The following SPATA33 variants were observed in gnomAD, a reference collection of about 807,000 sequenced individuals.
SPATA33 encodes the protein spermatogenesis associated 33, also known as spermatogenesis-associated protein 33.
SPATA33 carries 10 observed loss-of-function variants against 8.9 expected under a neutral mutation model. The observed-to-expected ratio is 1.12, with a 90% confidence interval of 0.69 to 1.90. SPATA33 has a LOEUF of 1.90. Ranked by LOEUF, SPATA33 falls within the 40% of genes most tolerant of loss-of-function variation. The pLI, the probability that SPATA33 is intolerant of heterozygous loss-of-function variation, is 0.00. For synonymous variants in SPATA33, 96 were observed against 72.8 expected, an observed-to-expected ratio of 1.32 and a Z score of -1.63; for missense variants, 241 against 178.3, an observed-to-expected ratio of 1.35 and a Z score of -2.00.
chr16:89,667,440 C>T (rs1023098611), intron 2 of SPATA33, among the ~76,000 whole-genome samples: 8 of 152,166 alleles, frequency 5.3e-5, no homozygotes, highest in African/African-American at 1.9e-4. Context: ...TCTAGTATAA[C>T]TATTCTTATT....
intron 2 of SPATA33, among the ~76,000 whole-genome samples, chr16:89,666,266 C>T (rs1243548866): frequency 6.6e-6 from 1 of 152,098 alleles, no homozygotes; most frequent in Non-Finnish European, 1.5e-5. Context: ...GTCCGAGGAT[C>T]ACTTGGGCCT....
At chr16:89,663,279 G>C (rs369296478) in intron 2 of SPATA33, among the ~76,000 whole-genome samples, 1 of 146,264 alleles carries the variant, frequency 6.8e-6, no homozygotes, top group African/African-American at 2.5e-5. Flanking sequence ...CAAATGGCAC[G>C]ATCTTGGCTC....
chr16:89,663,422 A>G (rs559087902), intron 2 of SPATA33, among the ~76,000 whole-genome samples: 1 of 152,042 alleles, frequency 6.6e-6, no homozygotes, highest in South Asian at 2.1e-4. Context: ...CATGTTGGTC[A>G]GGCTGGTCTC....
At chr16:89,664,213 A>G (rs1417698172) in intron 2 of SPATA33, among the ~76,000 whole-genome samples, 2 of 152,244 alleles carry the variant, frequency 1.3e-5, no homozygotes, top group African/African-American at 4.8e-5. Flanking sequence ...CAATTGTAGA[A>G]CAAATGATAA....
rs546828075 is a variant in SPATA33, at chr16:89,670,076, C to T, written c.*579C>T. 5.9e-4 allele frequency: 92 copies of T among 154,686 alleles called. No individual in the cohort carries two copies. The highest frequency in any genetic ancestry group is 2.2e-3 in the African/African-American group (89 of 39,946). The allele number at this position is 154,686 out of a possible 1,614,324, so 9.6% of individuals were successfully genotyped here. On this transcript the variant is annotated 3_prime_UTR_variant, in exon 3 of 3. Transcript: ENST00000579310. ...CCCCACCCTGTGAGAAGCCGTGGCCCCCTTCTCCAGTGCTTTCGGGGAGGG... is the reference window on the plus strand; with the variant it reads ...CCCCACCCTGTGAGAAGCCGTGGCCTCCTTCTCCAGTGCTTTCGGGGAGGG...
chr16:89,669,206 T>A, intron 2 of SPATA33, 80 bp from the exon 3 acceptor site: 2 of 1,337,068 alleles, frequency 1.5e-6, no homozygotes, highest in Non-Finnish European at 2.1e-6. Flanking sequence ...TCCTTTACTC[T>A]GACCAATGGC....
chr16:89,660,787 G>A (rs913979257), intron 2 of SPATA33: 43 of 1,029,118 alleles, frequency 4.2e-5, no homozygotes, highest in African/African-American at 8.3e-5. Context: ...AATGGTTTTC[G>A]ACCTGAATCT....
At chr16:89,664,533 C>T (rs1251082558) in intron 2 of SPATA33, among the ~76,000 whole-genome samples, 1 of 152,044 alleles carries the variant, frequency 6.6e-6, no homozygotes, top group East Asian at 1.9e-4. Context: ...TCAGGGAAGC[C>T]AGACAGTAAA....
In SPATA33 at chr16:89,669,356, G is replaced by A. The variant is rs1315881032; in HGVS notation, c.282G>A (p.Ala94=). ...VVVPQIIITR[A]SNETLVSCSS... is the part of the protein sequence containing the mutation. ...TTCCACAGATCATCATCACGCGAGC[G>A]TCGAATGAGACGCTAGTCAGTTGCA... Residue 94 remains alanine, a synonymous_variant, in exon 3 of 3, where the codon GCG becomes GCA. Transcript: ENST00000579310. The A allele has an allele frequency of 4.3e-6, 7 of 1,614,072 alleles. No individual in the cohort carries two copies. The highest frequency in any genetic ancestry group is 5.9e-6 in the Non-Finnish European group (7 of 1,180,040).
chr16:89,657,825 G>A (rs1033547620), upstream of SPATA33: 34 of 1,511,898 alleles, frequency 2.2e-5, no homozygotes, highest in African/African-American at 4.1e-4. Flanking sequence ...CCGCTGGCGC[G>A]AGGACCTTTT....
chr16:89,669,166 C>G (rs2060064676), intron 2 of SPATA33, 120 bp from the exon 3 acceptor site: 1 of 886,056 alleles, frequency 1.1e-6, no homozygotes, highest in South Asian at 1.5e-5. Flanking sequence ...TTGGACTCAC[C>G]CATTTTTTCT....
At chr16:89,663,600 G>T (rs2059990065) in intron 2 of SPATA33, among the ~76,000 whole-genome samples, 2 of 152,122 alleles carry the variant, frequency 1.3e-5, no homozygotes, top group African/African-American at 4.8e-5. Context: ...AGGGAGGACA[G>T]ATTGTTGATT....
intron 2 of SPATA33, chr16:89,661,179 G>C: frequency 1.0e-6 from 1 of 985,444 alleles, no homozygotes; most frequent in South Asian, 4.7e-5. Context: ...TTGGCCATAA[G>C]TTAATCACTG....
At chr16:89,658,694 C>T in intron 2 of SPATA33, 2 of 491,328 alleles carry the variant, frequency 4.1e-6, no homozygotes, top group East Asian at 3.6e-5. Context: ...GTGTGTCTCA[C>T]CTGAGGTTCT....
At chr16:89,660,283 G>T in intron 2 of SPATA33, 3 of 393,510 alleles carry the variant, frequency 7.6e-6, no homozygotes, top group Non-Finnish European at 1.3e-5. Context: ...GGAAGGCTTC[G>T]CCTGCCCAGC....
At chr16:89,658,188 G>GGGAC in intron 1 of SPATA33, 60 bp from the exon 2 acceptor site, 1 of 1,603,874 alleles carries the variant, frequency 6.2e-7, no homozygotes, top group Non-Finnish European at 8.5e-7. Context: ...TGAAGACGAT[G>GGGAC]GGACCCACTG....
At position 89,669,283 on chromosome 16, in the gene SPATA33, T is replaced by C. The variant is rs1159013174; in HGVS notation, c.212-3T>C. On this transcript the variant is annotated splice_region_variant and splice_polypyrimidine_tract_variant and intron_variant, in intron 2 of 2. Coordinates refer to ENST00000579310, the MANE Select transcript of SPATA33 (RefSeq NM_001271907.2). ...CTAAATGCCTGGATGTTTTTTCCTC[T>C]AGAGAAACCTGATGTAAAGCAAAAG... 6.2e-7 allele frequency: 1 copy of C among 1,614,118 alleles called. No individual in the cohort carries two copies. The highest frequency in any genetic ancestry group is 1.1e-5 in the South Asian group (1 of 91,076).
rs776630264 is a variant in SPATA33, at chr16:89,669,351, C to G, written c.277C>G (p.Arg93Gly). The stretch of plus-strand genomic sequence containing the variant: ...GGTCGTTCCACAGATCATCATCACG[C>G]GAGCGTCGAATGAGACGCTAGTCAG... ...KVVVPQIIIT[R>G]ASNETLVSCS... Residue 93 changes from arginine to glycine, a missense_variant, in exon 3 of 3, where the codon CGA becomes GGA. Transcript: ENST00000579310. The G allele has an allele frequency of 6.2e-7, 1 of 1,614,162 alleles. No individual in the cohort carries two copies. Among genetic ancestry groups the G allele is most frequent in the Non-Finnish European group, 8.5e-7 (1 of 1,180,036 alleles).
At position 89,663,479 on chromosome 16, in the gene SPATA33, A is replaced by G. The variant is rs2059988947; in HGVS notation, c.211+5058A>G. ...CCGCTTGCCTCAAACTCCCGATCTC[A>G]GGTGATCCGCTTGCCTCGGCCTCCT... On this transcript the variant is annotated intron_variant, in intron 2 of 2. Transcript: ENST00000579310. 2.0e-5 allele frequency among the ~76,000 whole-genome samples: 3 copies of G among 151,940 alleles called. 1 individual carries two copies. In the South Asian group the frequency reaches 6.2e-4, roughly 32 times the overall value.
Sources: gnomAD v4.1 joint callset for allele counts (sites outside exome capture counted in the v4.1 genomes callset) on GRCh38, gnomAD v4.1.1 for gene constraint, MANE v1.5 for transcripts, NCBI Gene and HGNC (gene_info 2026-07-23, HGNC 2026-07-21) for gene names.